Variants in ZNF530 observed in about 807,000 individuals in gnomAD.
ZNF530 encodes zinc finger protein 530.
ZNF530 carries 5 observed loss-of-function variants against 2.8 expected under a neutral mutation model. The observed-to-expected ratio is 1.80, with a 90% CI of 0.94 to 3.78. The LOEUF is 3.78. Ranked by LOEUF, ZNF530 falls within the 30% of genes most tolerant of loss-of-function variation. The pLI, the probability that ZNF530 is intolerant of heterozygous loss-of-function variation, is 0.00. For synonymous variants in ZNF530, 229 were observed against 235.0 expected, an observed-to-expected ratio of 0.97 and a Z score of 0.23; for missense variants, 619 against 673.3, an observed-to-expected ratio of 0.92 and a Z score of 0.89.
Position 57,601,175 on chromosome 19 carries a change from T to C in ZNF530, c.-70+396T>C, listed in dbSNP as rs1980217636. ...TTTGGAGCAGAAGAGGGAGGTGATC[T>C]TCCCCAGGCCTCATGAGGCTCCTGT... On this transcript the variant is annotated intron_variant, in intron 2 of 3. Coordinates refer to ENST00000597700, the MANE Select transcript of ZNF530 (RefSeq NM_001321981.2). Among the ~76,000 whole-genome samples the C allele has an allele frequency of 2.0e-5, 3 of 152,298 alleles. No individual in the cohort carries two copies. In the South Asian group the frequency reaches 6.2e-4, roughly 32 times the overall value.
chr19:57,607,242 A>G lies in ZNF530; in HGVS notation c.1618A>G (p.Arg540Gly), dbSNP rs766095155. 8.1e-6 allele frequency: 13 copies of G among 1,614,100 alleles called. No individual in the cohort carries two copies. In the South Asian group the frequency reaches 1.1e-4, roughly 14 times the overall value. The change falls in exon 4 of 4, where the codon AGG (arginine) becomes GGG (glycine). Residue 540 changes from arginine (R) to glycine (G), a missense_variant. Physicochemically the swap from Arg to Gly is moderately radical, Grantham distance 125. Coordinates refer to ENST00000597700, the MANE Select transcript of ZNF530 (RefSeq NM_001321981.2). ...IQHKTVHTGE[R>G]PYECSECGKS... ...ACACAAGACAGTTCACACTGGAGAA[A>G]GGCCTTATGAATGCAGTGAATGTGG...
At position 57,609,604 on chromosome 19, in the gene ZNF530, C is replaced by T. The variant is rs921757166; in HGVS notation, c.*2279C>T. Among the ~76,000 whole-genome samples the T allele has an allele frequency of 2.0e-5, 3 of 152,184 alleles. No individual in the cohort carries two copies. Among genetic ancestry groups the T allele is most frequent in the Non-Finnish European group, 2.9e-5 (2 of 68,040 alleles). ...GAGCCGAGATCGCACCATTGCACTT[C>T]GGCCTGGGCAACAACAGCGAAACTC... On this transcript the variant is annotated 3_prime_UTR_variant, in exon 4 of 4. Transcript: ENST00000597700.
Position 57,609,967 on chromosome 19 carries a change from A to G in ZNF530, c.*2642A>G, listed in dbSNP as rs1160175827. 6.6e-6 allele frequency among the ~76,000 whole-genome samples: 1 copy of G among 152,200 alleles called. No individual in the cohort carries two copies. Among genetic ancestry groups the G allele is most frequent in the African/African-American group, 2.4e-5 (1 of 41,436 alleles). ...CTGCCTCTACGTGGCCTGGGGAGCT[A>G]GATGGTAGAGTCAATAGAGACTTAG... On this transcript the variant is annotated 3_prime_UTR_variant, in exon 4 of 4. Coordinates refer to ENST00000597700, the MANE Select transcript of ZNF530 (RefSeq NM_001321981.2).
Position 57,605,698 on chromosome 19 carries a change from G to A in ZNF530, c.74G>A (p.Gly25Glu). 2 of 1,604,484 alleles carry A rather than the reference G, an allele frequency of 1.2e-6. No individual in the cohort carries two copies. The highest frequency in any genetic ancestry group is 1.7e-6 in the Non-Finnish European group (2 of 1,173,386). ...TCTCTTCTTTCAGGTTGCTGGTGTG[G>A]AGCAGTAGATGAGGGGACGCCTTCT... ...AVMASLGCWC[G>E]AVDEGTPSAE... The change falls in exon 4 of 4, where the codon GGA (glycine) becomes GAA (glutamate). Residue 25 changes from glycine (G) to glutamate (E), a missense_variant. Gly to Glu is a moderately conservative substitution (Grantham distance 98). Transcript: ENST00000597700.
At chr19:57,612,115 A>G (rs945815255), downstream of ZNF530, among the ~76,000 whole-genome samples, 1 of 152,060 alleles carries the variant, frequency 6.6e-6, no homozygotes, top group Non-Finnish European at 1.5e-5. Flanking sequence ...TTAAACTTTT[A>G]TTTCACTGGC....
At chr19:57,612,443 C>T (rs980063090), downstream of ZNF530, 3 of 400,336 alleles carry the variant, frequency 7.5e-6, no homozygotes, top group Admixed American at 4.4e-5. Flanking sequence ...CTACAGCATC[C>T]CTGTTCACCT....
At chr19:57,604,203 G>T (rs1980382583) in intron 2 of ZNF530, 74 bp from the exon 3 acceptor site, 1 of 1,605,630 alleles carries the variant, frequency 6.2e-7, no homozygotes, top group Non-Finnish European at 8.5e-7. Context: ...GTGAGCCAGG[G>T]ATGGATGTTT....
chr19:57,607,074 A>G lies in ZNF530; in HGVS notation c.1450A>G (p.Arg484Gly), dbSNP rs750392457. 1.8e-5 allele frequency: 29 copies of G among 1,613,318 alleles called. No individual in the cohort carries two copies. The South Asian group carries it at 2.2e-4, about 12-fold the overall frequency. Residue 484 changes from arginine (R) to glycine (G), a missense_variant, in exon 4 of 4, where the codon AGG becomes GGG. Coordinates refer to ENST00000597700, the MANE Select transcript of ZNF530 (RefSeq NM_001321981.2). ...ACACCAGACTGTTCACACTAATGAA[A>G]GGCCTTATGAGTGCGATGAATGTGG... The part of the protein sequence containing the change: ...IRHQTVHTNE[R>G]PYECDECGKS...
rs145420777 is a variant in ZNF530 at position 57,603,169 on chromosome 19, G to A, written c.-69-1108G>A. Among the ~76,000 whole-genome samples, 57 of 152,342 alleles carry A rather than the reference G, an allele frequency of 3.7e-4. No homozygotes were observed. The East Asian group carries it at 7.5e-3, about 20-fold the overall frequency. On this transcript the variant is annotated intron_variant, in intron 2 of 3. Coordinates refer to ENST00000597700, the MANE Select transcript of ZNF530 (RefSeq NM_001321981.2). ...CTCCCAAAGTGCTGGGATTAGAGGC[G>A]TGAGCCACTGCAACCAGCCTTAAAA...
At position 57,606,568 on chromosome 19, in the gene ZNF530, C is replaced by G; in HGVS notation, c.944C>G (p.Thr315Arg). 1 of 1,612,940 alleles carries G rather than the reference C, an allele frequency of 6.2e-7. No homozygotes were observed. The highest frequency in any genetic ancestry group is 1.3e-5 in the African/African-American group (1 of 74,552). ...CGTCACAGGAGTGCCCACACTAGCACAAGGCCTTATGAGTGCAGTGAATGT... is the reference window on the plus strand; with the variant it reads ...CGTCACAGGAGTGCCCACACTAGCAGAAGGCCTTATGAGTGCAGTGAATGT... ...LYRHRSAHTSTRPYECSECGK... is the reference protein window; with the variant it reads ...LYRHRSAHTSRRPYECSECGK... The change falls in exon 4 of 4, where the codon ACA (threonine) becomes AGA (arginine). Residue 315 changes from threonine to arginine, a missense_variant. Thr to Arg is a moderately conservative substitution (Grantham distance 71). Transcript: ENST00000597700.
In ZNF530 at chr19:57,605,945, T is replaced by A. The variant is rs1440210752; in HGVS notation, c.321T>A (p.Asp107Glu). Residue 107 changes from aspartate to glutamate, a missense_variant, in exon 4 of 4, where the codon GAT (aspartate) becomes GAA (glutamate). Transcript: ENST00000597700. ...ACCTTCACCAGCTCCAGAAGCTTGA[T>A]AATGGAGAGAAGCTCTTTAAAGTGG... ...SSNLHQLQKLDNGEKLFKVDG... is the reference protein window; with the variant it reads ...SSNLHQLQKLENGEKLFKVDG... 1 of 1,614,182 alleles carries A rather than the reference T, an allele frequency of 6.2e-7. No homozygotes were observed. Among genetic ancestry groups the A allele is most frequent in the Admixed American group, 1.7e-5 (1 of 60,020 alleles).
chr19:57,608,672 G>A lies in ZNF530; in HGVS notation c.*1347G>A, dbSNP rs1338883162. On this transcript the variant is annotated 3_prime_UTR_variant, in exon 4 of 4. Coordinates refer to ENST00000597700, the MANE Select transcript of ZNF530 (RefSeq NM_001321981.2). ...TGTCCCTTGAAACACAGAATTCAGT[G>A]AGCTAGTGTCCCTAGCTATAAAACC... 1.3e-5 allele frequency: 2 copies of A among 152,196 alleles called. No individual in the cohort carries two copies. Among genetic ancestry groups the A allele is most frequent in the East Asian group, 3.9e-4 (2 of 5,192 alleles). 9.4% of individuals were successfully genotyped at this position (152,196 alleles called of 1,614,324 possible). A position where few individuals can be genotyped will look rare whatever the true frequency, so the allele number is the denominator to read the frequency against.
chr19:57,611,896 C>T (rs1393280099), downstream of ZNF530, among the ~76,000 whole-genome samples: 2 of 152,132 alleles, frequency 1.3e-5, no homozygotes, highest in African/African-American at 2.4e-5. Context: ...TACTCTAACA[C>T]CAGGGTGAGG....
Position 57,607,452 on chromosome 19 carries a change from C to G in ZNF530, c.*127C>G. On this transcript the variant is annotated 3_prime_UTR_variant, in exon 4 of 4. Coordinates refer to ENST00000597700, the MANE Select transcript of ZNF530 (RefSeq NM_001321981.2). ...CTCCGCCTCCTGGGATCAAGTGATT[C>G]TCCTGCCACAGCCTCCTGAGTACCT... 2.1e-6 allele frequency: 2 copies of G among 931,276 alleles called. No individual in the cohort carries two copies. Among genetic ancestry groups the G allele is most frequent in the Non-Finnish European group, 3.1e-6 (2 of 639,248 alleles). 57.7% of individuals were successfully genotyped at this position (931,276 alleles called of 1,614,324 possible).
chr19:57,605,058 C>T (rs193068000), intron 3 of ZNF530: 1 of 153,462 alleles, frequency 6.5e-6, no homozygotes, highest in Non-Finnish European at 1.5e-5. Context: ...GAGGGCAAGA[C>T]ACTAGGGCTG....
rs1254757949 is a variant in ZNF530, at chr19:57,608,736, G to A, written c.*1411G>A. On this transcript the variant is annotated 3_prime_UTR_variant, in exon 4 of 4. Transcript: ENST00000597700. ...GAAACATAATTGGTAAAGAAACGCT[G>A]GGTTGAATAATAGGGAATGGAGGAG... 2.0e-5 allele frequency: 3 copies of A among 152,130 alleles called. No individual in the cohort carries two copies. The highest frequency in any genetic ancestry group is 4.8e-5 in the African/African-American group (2 of 41,410). The allele number at this position is 152,130 out of a possible 1,614,324, so 9.4% of individuals were successfully genotyped here. A position where few individuals can be genotyped will look rare whatever the true frequency, so the allele number is the denominator to read the frequency against.
At chr19:57,604,235 T>G in intron 2 of ZNF530, 42 bp from the exon 3 acceptor site, 2 of 1,612,454 alleles carry the variant, frequency 1.2e-6, no homozygotes, top group Non-Finnish European at 1.7e-6. Flanking sequence ...CTTGGGGTCC[T>G]AGGAAAGATG....
rs768622922 is a variant in ZNF530 at position 57,606,301 on chromosome 19, A to G, written c.677A>G (p.Lys226Arg). Residue 226 changes from lysine to arginine, a missense_variant, in exon 4 of 4, where the codon AAA (lysine) becomes AGA (arginine). By Grantham distance (26) the Lys-to-Arg change is conservative. Transcript: ENST00000597700. ...AGTTCTGGCTTTCTTCGACACAGGAAAGCACACGGTAGAACAAGGACTCAT... is the reference window on the plus strand; with the variant it reads ...AGTTCTGGCTTTCTTCGACACAGGAGAGCACACGGTAGAACAAGGACTCAT... ...SQSSGFLRHR[K>R]AHGRTRTHEC... 1.2e-6 allele frequency: 2 copies of G among 1,611,892 alleles called. No homozygotes were observed. The highest frequency in any genetic ancestry group is 2.2e-5 in the South Asian group (2 of 90,948).
At chr19:57,604,453 T>G in intron 3 of ZNF530, 47 bp downstream of exon 3, 1 of 1,589,154 alleles carries the variant, frequency 6.3e-7, no homozygotes. Flanking sequence ...GTCTCTCCTT[T>G]TCCCCTGTCC....
Sources: gnomAD v4.1 joint callset for allele counts (sites outside exome capture counted in the v4.1 genomes callset) on GRCh38, gnomAD v4.1.1 for gene constraint, MANE v1.5 for transcripts, NCBI Gene and HGNC (gene_info 2026-07-23, HGNC 2026-07-21) for gene names.